The following CLSTN2 variants were observed in gnomAD, a reference collection of about 807,000 sequenced individuals.
The protein encoded by CLSTN2 is calsyntenin-2.
CLSTN2 carries 48 observed loss-of-function variants against 101.2 expected under a neutral mutation model. The observed-to-expected ratio is 0.47, with a 90% CI of 0.38 to 0.60. CLSTN2 has a LOEUF of 0.60. CLSTN2 is among the 20% of genes least tolerant of loss of function. CLSTN2 has a pLI of 0.00. For synonymous variants in CLSTN2, 481 were observed against 463.6 expected (o/e 1.04, Z -0.48); for missense variants, 1,160 against 1,238.2 (o/e 0.94, Z 0.95).
intron 1 of CLSTN2, among the ~76,000 whole-genome samples, chr3:140,125,711 T>C (rs1200927150): frequency 1.3e-5 from 2 of 152,154 alleles, no homozygotes; most frequent in Non-Finnish European, 2.9e-5. Flanking sequence ...GCCATATAGA[T>C]TGAGCCTCAT....
At chr3:140,287,161 A>C (rs1320023995) in intron 2 of CLSTN2, among the ~76,000 whole-genome samples, 1 of 152,206 alleles carries the variant, frequency 6.6e-6, no homozygotes, top group Non-Finnish European at 1.5e-5. Context: ...TGCCTGAATA[A>C]CTTGAAAAAA....
intron 1 of CLSTN2, among the ~76,000 whole-genome samples, chr3:140,156,687 T>C (rs1281488473): frequency 6.6e-6 from 1 of 152,200 alleles, no homozygotes; most frequent in Non-Finnish European, 1.5e-5. Flanking sequence ...CTCTGACAGT[T>C]GACTTTGACT....
At chr3:139,986,963 A>C (rs751575912) in intron 1 of CLSTN2, among the ~76,000 whole-genome samples, 5 of 152,046 alleles carry the variant, frequency 3.3e-5, no homozygotes, top group Admixed American at 6.6e-5. Flanking sequence ...ATCCTCAGTT[A>C]CTGTTCTTAC....
chr3:140,368,679 CAG>C (rs1188828539), intron 2 of CLSTN2, among the ~76,000 whole-genome samples: 3 of 152,118 alleles, frequency 2.0e-5, no homozygotes, highest in Admixed American at 6.5e-5. Flanking sequence ...TACACAAAGA[CAG>C]AGGTAAAGAA....
chr3:140,468,293 T>C (rs1413576600), intron 8 of CLSTN2, among the ~76,000 whole-genome samples: 1 of 152,200 alleles, frequency 6.6e-6, no homozygotes, highest in Non-Finnish European at 1.5e-5. Context: ...GTTTTTAAAA[T>C]AGGAACACTG....
At chr3:140,430,329 C>T (rs2088615381) in intron 5 of CLSTN2, among the ~76,000 whole-genome samples, 1 of 152,112 alleles carries the variant, frequency 6.6e-6, no homozygotes, top group African/African-American at 2.4e-5. Context: ...CAAAGTGTAG[C>T]CTATAGGCCA....
At chr3:140,467,740 C>A (rs1933742204) in intron 8 of CLSTN2, among the ~76,000 whole-genome samples, 1 of 152,184 alleles carries the variant, frequency 6.6e-6, no homozygotes, top group Admixed American at 6.5e-5. Context: ...TTTCCCTTCT[C>A]CATCCTTGTT....
At chr3:140,334,734 G>T (rs1399304066) in intron 2 of CLSTN2, among the ~76,000 whole-genome samples, 1 of 152,226 alleles carries the variant, frequency 6.6e-6, no homozygotes, top group Non-Finnish European at 1.5e-5. Context: ...CAACAGAAGT[G>T]GAGCGGAAAC....
intron 5 of CLSTN2, among the ~76,000 whole-genome samples, chr3:140,443,749 C>T (rs939721991): frequency 1.4e-4 from 21 of 152,174 alleles, no homozygotes; most frequent in African/African-American, 5.1e-4. Flanking sequence ...ATTCCCATAC[C>T]GAGCCTTCAT....
At chr3:140,178,443 C>CA (rs2107830090) in intron 2 of CLSTN2, among the ~76,000 whole-genome samples, 1 of 152,332 alleles carries the variant, frequency 6.6e-6, no homozygotes, top group East Asian at 1.9e-4. Flanking sequence ...ACTGTTCAGA[C>CA]ACTTCTTGAA....
intron 8 of CLSTN2, chr3:140,508,736 G>C (rs1353110630): frequency 1.3e-5 from 2 of 152,152 alleles, no homozygotes; most frequent in Non-Finnish European, 2.9e-5. Context: ...CAACAGGCAG[G>C]CTGTGCCTCT....
chr3:140,154,537 T>C (rs2009917730), intron 1 of CLSTN2, among the ~76,000 whole-genome samples: 1 of 151,628 alleles, frequency 6.6e-6, no homozygotes, highest in African/African-American at 2.4e-5. Context: ...TTGACACAGT[T>C]GGCTGGGGAG....
chr3:139,995,620 A>G (rs1263437701), intron 1 of CLSTN2, among the ~76,000 whole-genome samples: 1 of 152,064 alleles, frequency 6.6e-6, no homozygotes, highest in Admixed American at 6.5e-5. Flanking sequence ...CTATCTGGAG[A>G]GCTGTGTGGA....
chr3:140,358,142 T>G (rs1048212681), intron 2 of CLSTN2, among the ~76,000 whole-genome samples: 17 of 152,112 alleles, frequency 1.1e-4, no homozygotes, highest in African/African-American at 3.6e-4. Context: ...ATGGGTCTCC[T>G]CGACTTGGAA....
chr3:140,057,096 T>C (rs2008111705), intron 1 of CLSTN2, among the ~76,000 whole-genome samples: 1 of 152,212 alleles, frequency 6.6e-6, no homozygotes, highest in Admixed American at 6.5e-5. Context: ...TAGGCATTTT[T>C]CCATGAAGCA....
At chr3:140,203,461 GTTTTTTTTTTTTTT>G (rs58182333) in intron 2 of CLSTN2, among the ~76,000 whole-genome samples, 876 of 67,982 alleles carry the variant, frequency 0.013, 27 homozygotes, top group South Asian at 0.096. Flanking sequence ...GAAAGTGTGG[GTTTTTTTTTTTTTT>G]TTTTTTTTTT....
chr3:140,524,069 G>A (rs930818861), intron 8 of CLSTN2, among the ~76,000 whole-genome samples: 6 of 152,206 alleles, frequency 3.9e-5, no homozygotes, highest in Non-Finnish European at 8.8e-5. Flanking sequence ...GAACTGTGCA[G>A]TAAAGGAAGT....
At chr3:140,037,703 G>A (rs2007681487) in intron 1 of CLSTN2, among the ~76,000 whole-genome samples, 2 of 151,804 alleles carry the variant, frequency 1.3e-5, no homozygotes, top group South Asian at 2.1e-4. Flanking sequence ...TCCCTACCCC[G>A]ACCCCACTGA....
intron 1 of CLSTN2, among the ~76,000 whole-genome samples, chr3:140,171,825 TATA>T (rs1294922884): frequency 9.1e-5 from 9 of 99,212 alleles, no homozygotes; most frequent in East Asian, 2.2e-4. Context: ...ATATATTATA[TATA>T]ATAACAATAT....
Sources: allele counts gnomAD v4.1 joint callset (sites outside exome capture counted in the v4.1 genomes callset), GRCh38; gene constraint gnomAD v4.1.1; transcripts MANE v1.5; gene names NCBI Gene and HGNC (gene_info 2026-07-23, HGNC 2026-07-21).